The following ARHGEF37 variants were observed in gnomAD, a reference collection of about 807,000 sequenced individuals.
The protein encoded by ARHGEF37 is Rho guanine nucleotide exchange factor 37.
In ARHGEF37, 55 loss-of-function variants were observed where a neutral mutation model predicts 71.1. That is an observed-to-expected ratio of 0.77 (90% CI 0.62 to 0.97). The LOEUF is 0.97. Among genes scored for constraint, ARHGEF37 ranks in the 50% least tolerant of loss-of-function variants. The pLI is 0.00. For missense variants in ARHGEF37, 765 were observed against 836.8 expected, an observed-to-expected ratio of 0.91 and a Z score of 1.06; for synonymous variants, 327 against 350.6, an observed-to-expected ratio of 0.93 and a Z score of 0.75.
rs944404111 is a variant in ARHGEF37, at chr5:149,626,212, C to T, written c.1465-864C>T. On this transcript the variant is annotated intron_variant, in intron 10 of 12. Coordinates refer to ENST00000333677, the MANE Select transcript of ARHGEF37 (RefSeq NM_001001669.3). The stretch of plus-strand genomic sequence containing the variant: ...TGCCTCCCCACACCCAGCACCTCCC[C>T]ACAAGGAGTAACCACATAGAGCATG... 5.3e-5 allele frequency among the ~76,000 whole-genome samples: 8 copies of T among 150,884 alleles called. 1 individual carries two copies. Among genetic ancestry groups the T allele is most frequent in the African/African-American group, 2.0e-4 (8 of 41,020 alleles).
intron 3 of ARHGEF37, among the ~76,000 whole-genome samples, chr5:149,601,783 C>A (rs957954166): frequency 1.3e-5 from 2 of 152,260 alleles, no homozygotes; most frequent in East Asian, 1.9e-4. Flanking sequence ...TTGAGAATAT[C>A]TGAAGGGAGA....
At chr5:149,579,723 A>G (rs575092648), upstream of ARHGEF37, among the ~76,000 whole-genome samples, 1 of 152,116 alleles carries the variant, frequency 6.6e-6, no homozygotes, top group East Asian at 1.9e-4. Context: ...CTGGGATTAC[A>G]GGTGCCCACC....
chr5:149,560,912 T>C (rs1356991093), intron 1 of ARHGEF37, among the ~76,000 whole-genome samples: 4 of 152,168 alleles, frequency 2.6e-5, no homozygotes, highest in Admixed American at 1.3e-4. Flanking sequence ...TTGTGCTCTT[T>C]AATACTTAAA....
At position 149,616,459 on chromosome 5, in the gene ARHGEF37, G is replaced by T. The variant is rs57536109; in HGVS notation, c.459-108G>T. 0.015 allele frequency: 15,960 copies of T among 1,062,866 alleles called. 1,219 individuals are homozygous for T. In the East Asian group the frequency reaches 0.23, roughly 15 times the overall value. The allele number at this position is 1,062,866 out of a possible 1,614,324, so 65.8% of individuals were successfully genotyped here. On this transcript the variant is annotated intron_variant, in intron 4 of 12. Coordinates refer to ENST00000333677, the MANE Select transcript of ARHGEF37 (RefSeq NM_001001669.3). ...GAGGATCGCAGAGAGGGGGTGACTT[G>T]CCTGAGATCACACAGTGAGCTAAAT...
upstream of ARHGEF37, among the ~76,000 whole-genome samples, chr5:149,581,082 A>G (rs1376586325): frequency 6.6e-6 from 1 of 152,234 alleles, no homozygotes; most frequent in Non-Finnish European, 1.5e-5. Context: ...AGCTGGGGCA[A>G]GAACCAAGGG....
chr5:149,622,796 T>A (rs1752583135), intron 9 of ARHGEF37, among the ~76,000 whole-genome samples: 1 of 152,050 alleles, frequency 6.6e-6, no homozygotes, highest in African/African-American at 2.4e-5. Context: ...AAGACTGGAG[T>A]TGATACAAGA....
At chr5:149,628,037 TAAA>T (rs896783631) in intron 11 of ARHGEF37, among the ~76,000 whole-genome samples, 4 of 152,176 alleles carry the variant, frequency 2.6e-5, no homozygotes, top group African/African-American at 9.7e-5. Context: ...GTGAGTCAAT[TAAA>T]AAATTAAGAA....
At chr5:149,597,686 G>A (rs954143345) in intron 1 of ARHGEF37, 73 bp from the exon 2 acceptor site, 83 of 1,365,132 alleles carry the variant, frequency 6.1e-5, no homozygotes, top group Non-Finnish European at 7.4e-5. Context: ...ATGAGTAATT[G>A]TCATTGAATT....
chr5:149,558,115 A>G (rs1381487342), intron 1 of ARHGEF37, among the ~76,000 whole-genome samples: 1 of 151,986 alleles, frequency 6.6e-6, no homozygotes, highest in Non-Finnish European at 1.5e-5. Flanking sequence ...CAGGTGATCC[A>G]CCTGACTTGG....
At chr5:149,583,718 G>A (rs560906796) in intron 1 of ARHGEF37, among the ~76,000 whole-genome samples, 1 of 152,330 alleles carries the variant, frequency 6.6e-6, no homozygotes, top group East Asian at 1.9e-4. Context: ...GAGCTTGACT[G>A]TCCAAAGCCT....
intron 12 of ARHGEF37, among the ~76,000 whole-genome samples, chr5:149,630,763 A>C (rs1224616448): frequency 1.3e-5 from 2 of 152,178 alleles, no homozygotes; most frequent in Non-Finnish European, 2.9e-5. Context: ...TCAGCTGTCT[A>C]TCTGCCCAAG....
chr5:149,567,641 T>C (rs1423547522), intron 1 of ARHGEF37, among the ~76,000 whole-genome samples: 1 of 152,266 alleles, frequency 6.6e-6, no homozygotes, highest in African/African-American at 2.4e-5. Flanking sequence ...GATTATAACC[T>C]GTTAACGTTT....
intron 1 of ARHGEF37, among the ~76,000 whole-genome samples, chr5:149,571,820 T>C (rs572425866): frequency 1.3e-5 from 2 of 149,290 alleles, no homozygotes; most frequent in African/African-American, 2.5e-5. Flanking sequence ...GGTGGGAGGA[T>C]TGCTTGAGCC....
chr5:149,628,790 C>A lies in ARHGEF37; in HGVS notation c.1661-19C>A. The A allele has an allele frequency of 6.2e-7, 1 of 1,606,112 alleles. No homozygotes were observed. Among genetic ancestry groups the A allele is most frequent in the East Asian group, 2.2e-5 (1 of 44,634 alleles). On this transcript the variant is annotated intron_variant, in intron 11 of 12. Coordinates refer to ENST00000333677, the MANE Select transcript of ARHGEF37 (RefSeq NM_001001669.3). ...GGGAAGGTGGCCCGCAGCCTGCTAA[C>A]CTTCTGCATGCTCCCTAGGACATCG...
chr5:149,616,843 C>T, intron 5 of ARHGEF37, 77 bp downstream of exon 5: 1 of 1,411,130 alleles, frequency 7.1e-7, no homozygotes, highest in East Asian at 2.3e-5. Context: ...AAATCTGCTT[C>T]ACCAGTAAAG....
At chr5:149,578,732 G>A (rs1050662585), upstream of ARHGEF37, among the ~76,000 whole-genome samples, 9 of 152,146 alleles carry the variant, frequency 5.9e-5, no homozygotes, top group East Asian at 3.8e-4. Flanking sequence ...TAGTGTCACC[G>A]AGGGCAAGGT....
At chr5:149,581,228 T>C (rs929643450), upstream of ARHGEF37, among the ~76,000 whole-genome samples, 1 of 152,224 alleles carries the variant, frequency 6.6e-6, no homozygotes, top group Non-Finnish European at 1.5e-5. Flanking sequence ...TCCTGTTTTC[T>C]GGATGACGAG....
At position 149,618,124 on chromosome 5, in the gene ARHGEF37, C is replaced by T. The variant is rs532856221; in HGVS notation, c.659-52C>T. On this transcript the variant is annotated intron_variant, in intron 5 of 12. Coordinates refer to ENST00000333677, the MANE Select transcript of ARHGEF37 (RefSeq NM_001001669.3). ...CAGCCGGGCATGTCCGTGACATCCA[C>T]TTTCCTGAGTTGGCTTGATCACCGT... The T allele has an allele frequency of 5.3e-5, 86 of 1,607,668 alleles. No individual in the cohort carries two copies. The Admixed American group carries it at 1.2e-3, about 22-fold the overall frequency.
At chr5:149,627,054 G>C in intron 10 of ARHGEF37, 22 bp from the exon 11 acceptor site, 2 of 1,597,100 alleles carry the variant, frequency 1.3e-6, no homozygotes, top group Non-Finnish European at 1.7e-6. Flanking sequence ...ACTTGTGTCT[G>C]TCTGTGCTCC....
Sources: gnomAD v4.1 joint callset for allele counts (sites outside exome capture counted in the v4.1 genomes callset) on GRCh38, gnomAD v4.1.1 for gene constraint, MANE v1.5 for transcripts, NCBI Gene and HGNC (gene_info 2026-07-23, HGNC 2026-07-21) for gene names.